OR2T12: variants seen among roughly 807,000 people sequenced by gnomAD.
OR2T12 encodes olfactory receptor 2T12.
For synonymous variants in OR2T12, 127 were observed against 160.5 expected (o/e 0.79, Z 1.58); for missense variants, 335 against 404.3 (o/e 0.83, Z 1.47).
At chr1:248,295,839 T>TG (rs1558277194) in intron 2 of OR2T12, among the ~76,000 whole-genome samples, 1 of 149,804 alleles carries the variant, frequency 6.7e-6, no homozygotes, top group Non-Finnish European at 1.5e-5. Flanking sequence ...TGAATAAAAA[T>TG]TTTTTTTTTA....
At position 248,291,240 on chromosome 1, in the gene OR2T12, CAA is replaced by C; in HGVS notation, c.*3374_*3375del. 6.6e-6 allele frequency: 1 copy of C among 152,098 alleles called. No individual in the cohort carries two copies. Among genetic ancestry groups the C allele is most frequent in the East Asian group, 1.9e-4 (1 of 5,188 alleles). 9.4% of individuals were successfully genotyped at this position (152,098 alleles called of 1,614,324 possible). A position where few individuals can be genotyped will look rare whatever the true frequency, so the allele number is the denominator to read the frequency against. On this transcript the variant is annotated 3_prime_UTR_variant, in exon 3 of 3. Coordinates refer to ENST00000641276, the MANE Select transcript of OR2T12 (RefSeq NM_001004692.2). Reference sequence around the variant, plus strand: ...TCCTTAAGCTGATAAGCAACTTCAGCAAAGTCTCAGGATACAATATCAATGTG... The same window carrying C: ...TCCTTAAGCTGATAAGCAACTTCAGCAGTCTCAGGATACAATATCAATGTG...
Position 248,290,349 on chromosome 1 carries a change from T to C in OR2T12, c.*4267A>G, listed in dbSNP as rs546525451. On this transcript the variant is annotated 3_prime_UTR_variant, in exon 3 of 3. Transcript: ENST00000641276. Reference sequence around the variant, plus strand: ...TGTTCCTGTGTTAGTTTCCTGGGAATGATGGTCTCCAGTTTCATCCATGTC... The same window carrying C: ...TGTTCCTGTGTTAGTTTCCTGGGAACGATGGTCTCCAGTTTCATCCATGTC... 6.6e-6 allele frequency: 1 copy of C among 152,316 alleles called. No homozygotes were observed. Among genetic ancestry groups the C allele is most frequent in the South Asian group, 2.1e-4 (1 of 4,832 alleles). The allele number at this position is 152,316 out of a possible 1,614,324, so 9.4% of individuals were successfully genotyped here. A position where few individuals can be genotyped will look rare whatever the true frequency, so the allele number is the denominator to read the frequency against.
chr1:248,298,598 G>A (rs1257723673), intron 2 of OR2T12, among the ~76,000 whole-genome samples: 1 of 151,200 alleles, frequency 6.6e-6, no homozygotes, highest in Non-Finnish European at 1.5e-5. Context: ...ATGTGTCGAG[G>A]AATTTATCCA....
intron 2 of OR2T12, among the ~76,000 whole-genome samples, chr1:248,299,796 C>A (rs1051765003): frequency 6.6e-6 from 1 of 152,174 alleles, no homozygotes; most frequent in African/African-American, 2.4e-5. Context: ...TAAAGCTCTC[C>A]TCCGCAAATC....
Position 248,294,611 on chromosome 1 carries a change from C to T in OR2T12, c.*5G>A, listed in dbSNP as rs186310387. ...TTCAGGAACTTAGACTCATCTGACA[C>T]TAGATCATCTTGACCTGTGGGCCTC... On this transcript the variant is annotated 3_prime_UTR_variant, in exon 3 of 3. Coordinates refer to ENST00000641276, the MANE Select transcript of OR2T12 (RefSeq NM_001004692.2). 8.7e-5 allele frequency: 140 copies of T among 1,612,270 alleles called. 2 individuals are homozygous for T. In the African/African-American group the frequency reaches 1.4e-3, roughly 16 times the overall value.
chr1:248,297,021 G>T (rs1270052259), intron 2 of OR2T12, among the ~76,000 whole-genome samples: 4 of 152,000 alleles, frequency 2.6e-5, no homozygotes, highest in Admixed American at 6.6e-5. Context: ...ATCTTGAATT[G>T]ATTTTTGTAT....
intron 1 of OR2T12, among the ~76,000 whole-genome samples, chr1:248,301,964 T>C (rs952387020): frequency 5.3e-5 from 8 of 150,358 alleles, no homozygotes; most frequent in Admixed American, 2.0e-4. Context: ...ACAGAAACCA[T>C]GAAAATCTGG....
chr1:248,296,953 C>G (rs971621348), intron 2 of OR2T12, among the ~76,000 whole-genome samples: 1 of 152,092 alleles, frequency 6.6e-6, no homozygotes, highest in African/African-American at 2.4e-5. Flanking sequence ...AATGGTAACG[C>G]CTAGGTTTTC....
chr1:248,297,418 G>T (rs1185064471), intron 2 of OR2T12, among the ~76,000 whole-genome samples: 1 of 151,838 alleles, frequency 6.6e-6, no homozygotes, highest in Non-Finnish European at 1.5e-5. Context: ...GATGGGGATG[G>T]CATTGAATCT....
rs1428610488 is a variant in OR2T12, at chr1:248,294,373, A to C, written c.*243T>G. On this transcript the variant is annotated 3_prime_UTR_variant, in exon 3 of 3. Coordinates refer to ENST00000641276, the MANE Select transcript of OR2T12 (RefSeq NM_001004692.2). ...TGGAGTTTGCAAAAGAAAAAAAGAA[A>C]ACTTATATCATGGGGTTGTTGTAGG... The C allele has an allele frequency of 4.9e-6, 2 of 405,766 alleles. No individual in the cohort carries two copies. Among genetic ancestry groups the C allele is most frequent in the Non-Finnish European group, 8.4e-6 (2 of 237,690 alleles). 25.1% of individuals were successfully genotyped at this position (405,766 alleles called of 1,614,324 possible). A position where few individuals can be genotyped will look rare whatever the true frequency, so the allele number is the denominator to read the frequency against.
chr1:248,294,380 A>C lies in OR2T12; in HGVS notation c.*236T>G, dbSNP rs921608187. 129 of 436,732 alleles carry C rather than the reference A, an allele frequency of 3.0e-4. No individual in the cohort carries two copies. Among genetic ancestry groups the C allele is most frequent in the African/African-American group, 2.3e-3 (113 of 50,090 alleles). The allele number at this position is 436,732 out of a possible 1,614,324, so 27.1% of individuals were successfully genotyped here. On this transcript the variant is annotated 3_prime_UTR_variant, in exon 3 of 3. Transcript: ENST00000641276. ...TGCAAAAGAAAAAAAGAAAACTTAT[A>C]TCATGGGGTTGTTGTAGGATACAAA...
At position 248,295,000 on chromosome 1, in the gene OR2T12, G is replaced by C. The variant is rs376728846; in HGVS notation, c.579C>G (p.Phe193Leu). Residue 193 changes from phenylalanine to leucine, a missense_variant, in exon 3 of 3, where the codon TTC becomes TTG. Phe to Leu is a conservative substitution (Grantham distance 22, BLOSUM62 0). Coordinates refer to ENST00000641276, the MANE Select transcript of OR2T12 (RefSeq NM_001004692.2). ...VRLACADTSV[F>L]ENAMYICCVL... ...CACAGCAGATGTACATGGCGTTTTCGAAGACTGAAGTGTCAGCACAAGCCA... is the reference window on the plus strand; with the variant it reads ...CACAGCAGATGTACATGGCGTTTTCCAAGACTGAAGTGTCAGCACAAGCCA... The C allele has an allele frequency of 3.1e-6, 5 of 1,610,910 alleles. No individual in the cohort carries two copies. The African/African-American group carries it at 6.7e-5, about 22-fold the overall frequency.
chr1:248,295,199 G>C lies in OR2T12; in HGVS notation c.380C>G (p.Pro127Arg), dbSNP rs1659699480. The part of the protein sequence containing the change: ...AYDRYAAVCH[P>R]LRYPTLMSWQ... Reference sequence around the variant, plus strand: ...GCTCATGAGAGTGGGATATCGGAGTGGGTGGCAGACAGCCGCATAGCGGTC... The same window carrying C: ...GCTCATGAGAGTGGGATATCGGAGTCGGTGGCAGACAGCCGCATAGCGGTC... The change falls in exon 3 of 3, where the codon CCA becomes CGA. Residue 127 changes from proline to arginine, a missense_variant. Coordinates refer to ENST00000641276, the MANE Select transcript of OR2T12 (RefSeq NM_001004692.2). 8 of 1,609,832 alleles carry C rather than the reference G, an allele frequency of 5.0e-6. No individual in the cohort carries two copies. Among genetic ancestry groups the C allele is most frequent in the Non-Finnish European group, 5.9e-6 (7 of 1,179,340 alleles).
At position 248,295,600 on chromosome 1, in the gene OR2T12, G is replaced by A. The variant is rs370289766; in HGVS notation, c.-8-14C>T. On this transcript the variant is annotated splice_polypyrimidine_tract_variant and intron_variant, in intron 2 of 2. Coordinates refer to ENST00000641276, the MANE Select transcript of OR2T12 (RefSeq NM_001004692.2). The stretch of plus-strand genomic sequence containing the variant: ...CCATAATTTCCCCTGGTGTGATGGT[G>A]CAAATGGAAAAATAGAGAAAGAAGA... 3 of 1,547,696 alleles carry A rather than the reference G, an allele frequency of 1.9e-6. No homozygotes were observed. Among genetic ancestry groups the A allele is most frequent in the African/African-American group, 2.8e-5 (2 of 72,724 alleles).
chr1:248,298,934 T>G (rs1342342858), intron 2 of OR2T12, among the ~76,000 whole-genome samples: 1 of 152,156 alleles, frequency 6.6e-6, no homozygotes, highest in African/African-American at 2.4e-5. Flanking sequence ...CTAGCCAAAC[T>G]AAGCTTCATA....
chr1:248,293,773 G>A lies in OR2T12; in HGVS notation c.*843C>T, dbSNP rs750842587. The A allele has an allele frequency of 6.6e-6, 1 of 152,090 alleles. No individual in the cohort carries two copies. The highest frequency in any genetic ancestry group is 1.5e-5 in the Non-Finnish European group (1 of 67,998). 9.4% of individuals were successfully genotyped at this position (152,090 alleles called of 1,614,324 possible). ...GTCAATAAGTCAAGGTAACCTTAAAGCACGTGTAGAAAAGAGAACTTATTT... is the reference window on the plus strand; with the variant it reads ...GTCAATAAGTCAAGGTAACCTTAAAACACGTGTAGAAAAGAGAACTTATTT... On this transcript the variant is annotated 3_prime_UTR_variant, in exon 3 of 3. Transcript: ENST00000641276.
intron 2 of OR2T12, among the ~76,000 whole-genome samples, chr1:248,300,852 G>A (rs1418938110): frequency 6.6e-6 from 1 of 152,030 alleles, no homozygotes; most frequent in Non-Finnish European, 1.5e-5. Context: ...TTGGCAAAGT[G>A]TTCTTTACAT....
chr1:248,295,093 C>A lies in OR2T12; in HGVS notation c.486G>T (p.Leu162=). ...ADGLLQAVAT[L]SFPYCGAHEI... ...CGTGTGCACCGCAATATGGGAAGCT[C>A]AGGGTAGCAACAGCCTGCAGGAGGC... The change falls in exon 3 of 3, where the codon CTG becomes CTT. Residue 162 remains leucine (L), a synonymous_variant. Coordinates refer to ENST00000641276, the MANE Select transcript of OR2T12 (RefSeq NM_001004692.2). 1 of 1,608,914 alleles carries A rather than the reference C, an allele frequency of 6.2e-7. No individual in the cohort carries two copies. Among genetic ancestry groups the A allele is most frequent in the Non-Finnish European group, 8.5e-7 (1 of 1,179,356 alleles).
intron 2 of OR2T12, among the ~76,000 whole-genome samples, chr1:248,297,273 G>C (rs1374415538): frequency 6.6e-6 from 1 of 152,096 alleles, no homozygotes; most frequent in Non-Finnish European, 1.5e-5. Flanking sequence ...AGTATAGTTT[G>C]AAGTCAGGTA....
Sources: gnomAD v4.1 joint callset for allele counts (sites outside exome capture counted in the v4.1 genomes callset) on GRCh38, gnomAD v4.1.1 for gene constraint, MANE v1.5 for transcripts, NCBI Gene and HGNC (gene_info 2026-07-23, HGNC 2026-07-21) for gene names.